PPP1R12A: variants seen among roughly 807,000 people sequenced by gnomAD.
PPP1R12A encodes the protein myosin binding subunit.
Under a neutral mutation model 139.6 loss-of-function variants are expected in PPP1R12A, and 19 were observed. That is an observed-to-expected ratio of 0.14 (90% CI 0.09 to 0.20). The LOEUF (loss-of-function observed/expected upper bound fraction) is 0.20. Ranked by LOEUF, PPP1R12A falls within the 10% of genes least tolerant of loss-of-function variation. The pLI is 1.00. For synonymous variants in PPP1R12A, 427 were observed against 420.6 expected, an observed-to-expected ratio of 1.02 and a Z score of -0.19; for missense variants, 925 against 1,211.5, an observed-to-expected ratio of 0.76 and a Z score of 3.51.
intron 1 of PPP1R12A, among the ~76,000 whole-genome samples, chr12:79,917,162 G>A (rs1887059645): frequency 6.6e-6 from 1 of 152,070 alleles, no homozygotes; most frequent in African/African-American, 2.4e-5. Context: ...AGGATGGGTT[G>A]AAAAGGGAAA....
intron 1 of PPP1R12A, among the ~76,000 whole-genome samples, chr12:79,914,491 ATTTC>A (rs1211417946): frequency 6.6e-6 from 1 of 152,072 alleles, no homozygotes; most frequent in Non-Finnish European, 1.5e-5. Context: ...CTGATTTAAA[ATTTC>A]TTTAACATTT....
intron 24 of PPP1R12A, among the ~76,000 whole-genome samples, chr12:79,776,271 T>A (rs1314825336): frequency 6.6e-6 from 1 of 152,096 alleles, no homozygotes; most frequent in Non-Finnish European, 1.5e-5. Context: ...ACTAAATCAC[T>A]TGATTTTATG....
Position 79,805,622 on chromosome 12 carries a change from G to T in PPP1R12A, c.1970C>A (p.Ser657Tyr). The T allele has an allele frequency of 2.5e-6, 4 of 1,613,736 alleles. No homozygotes were observed. The highest frequency in any genetic ancestry group is 3.4e-6 in the Non-Finnish European group (4 of 1,179,766). ...TCTCTCCCTGACCTCTGTTGTGGAG[G>T]AGACAGTGCCAGCAGTAGTTGTAGT... ...TLTTTTAGTVSSTTEVRERRR... is the reference protein window; with the variant it reads ...TLTTTTAGTVYSTTEVRERRR... The change falls in exon 14 of 25, where the codon TCC becomes TAC. Residue 657 changes from serine (S) to tyrosine (Y), a missense_variant. By Grantham distance (144) the Ser-to-Tyr change is moderately radical. Around this residue, in one of 4 missense-constraint regions of PPP1R12A, gnomAD observed 403 missense variants for 463.7 expected, o/e 0.87. Transcript: ENST00000450142.
intron 8 of PPP1R12A, among the ~76,000 whole-genome samples, chr12:79,819,899 C>T (rs1875875296): frequency 6.7e-6 from 1 of 149,756 alleles, no homozygotes. Flanking sequence ...AGAATGGAAA[C>T]AGACATATTT....
At chr12:79,827,175 A>G (rs538641549) in intron 5 of PPP1R12A, among the ~76,000 whole-genome samples, 29 of 152,336 alleles carry the variant, frequency 1.9e-4, no homozygotes, top group African/African-American at 5.8e-4. Flanking sequence ...AAATTATTGA[A>G]AGTTTTAACT....
At chr12:79,931,276 G>A (rs941006960) in intron 1 of PPP1R12A, among the ~76,000 whole-genome samples, 1 of 152,166 alleles carries the variant, frequency 6.6e-6, no homozygotes, top group African/African-American at 2.4e-5. Context: ...CTATGGCAAA[G>A]GGGGTGAACT....
At chr12:79,808,437 TAAAG>T in intron 11 of PPP1R12A, 42 bp downstream of exon 11, 1 of 1,289,796 alleles carries the variant, frequency 7.8e-7, no homozygotes, top group Non-Finnish European at 1.1e-6. Flanking sequence ...TGCTAGATAA[TAAAG>T]ATTTTATAGT....
Position 79,782,904 on chromosome 12 carries a change from T to A in PPP1R12A, c.2908-1042A>T, listed in dbSNP as rs572526700. ...GTTAAATGTGGTAATTTTAAAAATA[T>A]TTCTTTACATAATTTTCTTTTATGC... On this transcript the variant is annotated intron_variant, in intron 22 of 24. Transcript: ENST00000450142. Among the ~76,000 whole-genome samples the A allele has an allele frequency of 1.9e-3, 289 of 152,352 alleles. 1 individual carries two copies. The Middle Eastern group carries it at 0.031, about 16-fold the overall frequency.
upstream of PPP1R12A, chr12:79,935,347 A>T: frequency 9.9e-7 from 1 of 1,014,388 alleles, no homozygotes; most frequent in Non-Finnish European, 1.2e-6. Context: ...GGGGGCTGGG[A>T]CAGACCTGGA....
At chr12:79,915,040 C>G (rs1444188148) in intron 1 of PPP1R12A, among the ~76,000 whole-genome samples, 1 of 152,060 alleles carries the variant, frequency 6.6e-6, no homozygotes, top group Admixed American at 6.5e-5. Context: ...AGACTCCTAA[C>G]TAATATATGC....
At chr12:79,899,661 T>C (rs1438801960) in intron 1 of PPP1R12A, among the ~76,000 whole-genome samples, 1 of 152,186 alleles carries the variant, frequency 6.6e-6, no homozygotes, top group Admixed American at 6.5e-5. Context: ...TTTCTAGTTT[T>C]TGACTACTAA....
At chr12:79,869,928 T>C (rs1048277697) in intron 2 of PPP1R12A, among the ~76,000 whole-genome samples, 1 of 149,744 alleles carries the variant, frequency 6.7e-6, no homozygotes, top group Non-Finnish European at 1.5e-5. Flanking sequence ...TTATTATTAT[T>C]ATTATTATAA....
chr12:79,809,755 A>C (rs754236066), intron 10 of PPP1R12A, 40 bp downstream of exon 10: 7 of 1,486,266 alleles, frequency 4.7e-6, no homozygotes, highest in African/African-American at 2.8e-5. Flanking sequence ...AAAAGAAATC[A>C]TAACAGTTTT....
intron 1 of PPP1R12A, among the ~76,000 whole-genome samples, chr12:79,931,649 A>C (rs563891768): frequency 2.2e-4 from 33 of 152,354 alleles, no homozygotes; most frequent in African/African-American, 6.7e-4. Context: ...GTAAAACTCT[A>C]CCAGGTAGCT....
chr12:79,828,108 C>A, intron 5 of PPP1R12A: 1 of 329,862 alleles, frequency 3.0e-6, no homozygotes, highest in Non-Finnish European at 5.3e-6. Context: ...TCTTTCTTTG[C>A]AGTACAAGGC....
At chr12:79,795,373 A>G (rs904382955) in intron 18 of PPP1R12A, among the ~76,000 whole-genome samples, 3 of 152,284 alleles carry the variant, frequency 2.0e-5, no homozygotes, top group African/African-American at 7.2e-5. Context: ...ATTATAAAAT[A>G]ATCAATACAT....
chr12:79,934,666 C>T (rs1464045739), intron 1 of PPP1R12A, 29 bp downstream of exon 1: 6 of 1,498,374 alleles, frequency 4.0e-6, no homozygotes, highest in African/African-American at 1.4e-5. Flanking sequence ...CCCTCACGGT[C>T]AGGAGAGCCG....
At chr12:79,842,207 C>T (rs1196405354) in intron 3 of PPP1R12A, among the ~76,000 whole-genome samples, 1 of 152,100 alleles carries the variant, frequency 6.6e-6, no homozygotes, top group Non-Finnish European at 1.5e-5. Context: ...ACAGTCCCAG[C>T]TCCTCAAGAG....
rs1871417315 is a variant in PPP1R12A, at chr12:79,788,743, A to G, written c.2707T>C (p.Ser903Pro). The part of the protein sequence containing the change: ...SSTSAGDRYD[S>P]LLGRSGSYSY... The stretch of plus-strand genomic sequence containing the variant: ...TATGATCCAGAGCGACCCAGCAAGG[A>G]ATCATATCGATCACCAGCTGATGTA... Residue 903 changes from serine (S) to proline (P), a missense_variant, in exon 21 of 25, where the codon TCC becomes CCC. Around this residue, in one of 4 missense-constraint regions of PPP1R12A, gnomAD observed 315 missense variants for 363.4 expected, o/e 0.87. Coordinates refer to ENST00000450142, the MANE Select transcript of PPP1R12A (RefSeq NM_002480.3). 1 of 1,612,538 alleles carries G rather than the reference A, an allele frequency of 6.2e-7. No homozygotes were observed. Among genetic ancestry groups the G allele is most frequent in the African/African-American group, 1.3e-5 (1 of 75,002 alleles).
Sources: allele counts gnomAD v4.1 joint callset (sites outside exome capture counted in the v4.1 genomes callset), GRCh38; gene constraint gnomAD v4.1.1; regional missense constraint gnomAD v4.1.1; transcripts MANE v1.5; gene names NCBI Gene and HGNC (gene_info 2026-07-23, HGNC 2026-07-21).